The following SLC35F3 variants were observed in gnomAD, a reference collection of about 807,000 sequenced individuals.
The protein encoded by SLC35F3 is solute carrier family 35 member F3, also known as putative thiamine transporter SLC35F3.
In SLC35F3, 25 loss-of-function variants were observed where a neutral mutation model predicts 49.9. That is an observed-to-expected ratio of 0.50 (90% CI 0.37 to 0.70). SLC35F3 has a LOEUF of 0.70. Among genes scored for constraint, SLC35F3 ranks in the 30% least tolerant of loss-of-function variants. SLC35F3 has a pLI of 0.00. For missense variants in SLC35F3, 525 were observed against 639.8 expected, an observed-to-expected ratio of 0.82 and a Z score of 1.94; for synonymous variants, 275 against 265.4, an observed-to-expected ratio of 1.04 and a Z score of -0.35.
intron 2 of SLC35F3, among the ~76,000 whole-genome samples, chr1:233,963,739 G>A (rs1030175449): frequency 1.1e-4 from 17 of 152,220 alleles, no homozygotes; most frequent in Admixed American, 6.5e-5. Flanking sequence ...GGGAGGTGAA[G>A]GTCATGTTTC....
At chr1:234,031,390 C>A (rs4492691) in intron 2 of SLC35F3, among the ~76,000 whole-genome samples, 2 of 152,082 alleles carry the variant, frequency 1.3e-5, no homozygotes, top group Non-Finnish European at 2.9e-5. Flanking sequence ...TTCCAGGCTG[C>A]GTATCAATGA....
chr1:234,038,699 G>A (rs1020216139), intron 2 of SLC35F3, among the ~76,000 whole-genome samples: 3 of 152,310 alleles, frequency 2.0e-5, no homozygotes, highest in Admixed American at 6.5e-5. Flanking sequence ...ACCATTGAAG[G>A]GCTCAAGTAG....
chr1:233,914,687 G>C (rs1019494729), intron 2 of SLC35F3, among the ~76,000 whole-genome samples: 4 of 152,180 alleles, frequency 2.6e-5, no homozygotes, highest in African/African-American at 9.7e-5. Context: ...GATTCACAAA[G>C]ATGTGGACAC....
Position 234,292,028 on chromosome 1 carries a change from G to A in SLC35F3, c.609-17073G>A, listed in dbSNP as rs561096399. Among the ~76,000 whole-genome samples, 39 of 152,296 alleles carry A rather than the reference G, an allele frequency of 2.6e-4. No individual in the cohort carries two copies. The Middle Eastern group carries it at 0.01, about 40-fold the overall frequency. On this transcript the variant is annotated intron_variant, in intron 3 of 7. Coordinates refer to ENST00000366618, the MANE Select transcript of SLC35F3 (RefSeq NM_173508.4). ...ATAGCTCACCACGCCTGGACTGCAC[G>A]TGTCTGGGTTTGGTTGCAGGACTGG...
intron 2 of SLC35F3, among the ~76,000 whole-genome samples, chr1:234,001,819 A>G (rs113917338): frequency 0.018 from 2,678 of 152,326 alleles, 66 homozygotes; most frequent in African/African-American, 0.058. Flanking sequence ...TGAATCCACT[A>G]TTCCCCCATC....
At chr1:233,968,467 GTTTTTCTTTTTCTTTTTC>G (rs200693234) in intron 2 of SLC35F3, among the ~76,000 whole-genome samples, 1 of 103,408 alleles carries the variant, frequency 9.7e-6, no homozygotes, top group East Asian at 2.1e-4. Flanking sequence ...TAAATAGGTA[GTTTTTCTTTTTCTTTTTC>G]TTTTTCTTTT....
intron 2 of SLC35F3, among the ~76,000 whole-genome samples, chr1:234,096,003 A>G (rs1572050106): frequency 6.6e-6 from 1 of 152,086 alleles, no homozygotes; most frequent in Admixed American, 6.6e-5. Flanking sequence ...TTTTGCTTCC[A>G]TTTCTTCTTT....
At chr1:234,121,832 T>A (rs1204354270) in intron 2 of SLC35F3, among the ~76,000 whole-genome samples, 1 of 152,206 alleles carries the variant, frequency 6.6e-6, no homozygotes, top group Non-Finnish European at 1.5e-5. Context: ...TCTGTCCTTA[T>A]GATAGTTTGC....
chr1:234,156,503 C>T (rs1402753228), intron 2 of SLC35F3, among the ~76,000 whole-genome samples: 3 of 152,074 alleles, frequency 2.0e-5, no homozygotes, highest in African/African-American at 7.2e-5. Context: ...TCATGCATTG[C>T]TGATGGAAAC....
chr1:234,199,437 A>G (rs1442181660), intron 2 of SLC35F3, among the ~76,000 whole-genome samples: 1 of 152,190 alleles, frequency 6.6e-6, no homozygotes, highest in Non-Finnish European at 1.5e-5. Flanking sequence ...ATGTTCATTC[A>G]CATGCAGAAG....
intron 2 of SLC35F3, among the ~76,000 whole-genome samples, chr1:234,129,529 A>G (rs1166008954): frequency 6.6e-6 from 1 of 152,224 alleles, no homozygotes; most frequent in Non-Finnish European, 1.5e-5. Context: ...ATTGATCCAT[A>G]AAGTCAATGA....
At chr1:234,056,945 A>C (rs1023574750) in intron 2 of SLC35F3, among the ~76,000 whole-genome samples, 9 of 152,200 alleles carry the variant, frequency 5.9e-5, no homozygotes, top group African/African-American at 1.9e-4. Context: ...TGGTATTGGC[A>C]ACTTGTCAAA....
At chr1:233,946,306 A>T in intron 2 of SLC35F3, among the ~76,000 whole-genome samples, 1 of 152,244 alleles carries the variant, frequency 6.6e-6, no homozygotes, top group East Asian at 1.9e-4. Context: ...AATTCAGGAT[A>T]CATGTTTCAT....
intron 2 of SLC35F3, among the ~76,000 whole-genome samples, chr1:233,971,986 C>T (rs1442389988): frequency 6.6e-6 from 1 of 152,216 alleles, no homozygotes; most frequent in African/African-American, 2.4e-5. Context: ...TGTGCCAGTG[C>T]CGTGTGTGTG....
chr1:233,928,612 C>T (rs1049761229), intron 2 of SLC35F3, among the ~76,000 whole-genome samples: 2 of 152,072 alleles, frequency 1.3e-5, no homozygotes, highest in Non-Finnish European at 2.9e-5. Context: ...ATAATGCATC[C>T]AAAGGGCTGA....
intron 2 of SLC35F3, among the ~76,000 whole-genome samples, chr1:234,015,752 G>T (rs1247259443): frequency 6.6e-6 from 1 of 152,208 alleles, no homozygotes; most frequent in African/African-American, 2.4e-5. Flanking sequence ...GGGCAATGAT[G>T]TTTTGAATTT....
At chr1:234,224,704 A>C (rs1030376767) in intron 2 of SLC35F3, among the ~76,000 whole-genome samples, 4 of 152,232 alleles carry the variant, frequency 2.6e-5, no homozygotes. Flanking sequence ...AAACAGAACC[A>C]AGTTAAAACA....
At chr1:233,929,722 C>G (rs1662212544) in intron 2 of SLC35F3, among the ~76,000 whole-genome samples, 4 of 152,136 alleles carry the variant, frequency 2.6e-5, no homozygotes, top group Admixed American at 2.6e-4. Context: ...CTCTTGGCCT[C>G]AGGAGCACCA....
At chr1:234,044,170 C>A (rs1283834034) in intron 2 of SLC35F3, among the ~76,000 whole-genome samples, 1 of 152,158 alleles carries the variant, frequency 6.6e-6, no homozygotes, top group Non-Finnish European at 1.5e-5. Context: ...TAGTGTTTGG[C>A]CTGTTTGCAT....
Sources: gnomAD v4.1 joint callset for allele counts (sites outside exome capture counted in the v4.1 genomes callset) on GRCh38, gnomAD v4.1.1 for gene constraint, MANE v1.5 for transcripts, NCBI Gene and HGNC (gene_info 2026-07-23, HGNC 2026-07-21) for gene names.